The following LIN28B variants were observed in gnomAD, a reference collection of about 807,000 sequenced individuals.
LIN28B encodes lin-28 RNA binding posttranscriptional regulator B.
In LIN28B, 5 loss-of-function variants were observed where a neutral mutation model predicts 21.9. The observed-to-expected ratio is 0.23, with a 90% CI of 0.12 to 0.48. The LOEUF is 0.48. Ranked by LOEUF, LIN28B falls within the 20% of genes least tolerant of loss-of-function variation. The pLI is 0.98. For synonymous variants in LIN28B, 109 were observed against 111.3 expected (o/e 0.98, Z 0.13); for missense variants, 245 against 310.5 (o/e 0.79, Z 1.58).
At chr6:104,992,110 G>T (rs1158616582) in intron 2 of LIN28B, among the ~76,000 whole-genome samples, 1 of 151,752 alleles carries the variant, frequency 6.6e-6, no homozygotes, top group Non-Finnish European at 1.5e-5. Flanking sequence ...TTGTTGCCCA[G>T]GTTGGAGTTC....
At chr6:105,044,156 G>T (rs1284522063) in intron 3 of LIN28B, among the ~76,000 whole-genome samples, 1 of 152,054 alleles carries the variant, frequency 6.6e-6, no homozygotes, top group Non-Finnish European at 1.5e-5. Context: ...AGATTAAGAA[G>T]CTCTGTTCTG....
intron 3 of LIN28B, among the ~76,000 whole-genome samples, chr6:105,078,038 CTTG>C (rs921143278): frequency 2.6e-5 from 4 of 152,084 alleles, no homozygotes; most frequent in African/African-American, 7.2e-5. Context: ...TTAAAACTGG[CTTG>C]TTGTTTTTTG....
chr6:104,953,439 A>T (rs1336117334), upstream of LIN28B, among the ~76,000 whole-genome samples: 1 of 152,198 alleles, frequency 6.6e-6, no homozygotes, highest in African/African-American at 2.4e-5. Flanking sequence ...TACGTCTGGA[A>T]ATTCAGTAAA....
At chr6:104,995,965 TTATA>T (rs201567101) in intron 2 of LIN28B, among the ~76,000 whole-genome samples, 2 of 148,350 alleles carry the variant, frequency 1.3e-5, no homozygotes, top group African/African-American at 4.9e-5. Context: ...ATTATATACT[TTATA>T]TATATATATA....
intron 2 of LIN28B, among the ~76,000 whole-genome samples, chr6:104,969,442 AAAC>A (rs767216104): frequency 6.6e-6 from 1 of 152,048 alleles, no homozygotes; most frequent in Non-Finnish European, 1.5e-5. Flanking sequence ...AAACAAAACA[AAAC>A]AACAACAACA....
chr6:105,055,038 G>C (rs1771994863), intron 3 of LIN28B, among the ~76,000 whole-genome samples: 1 of 151,960 alleles, frequency 6.6e-6, no homozygotes, highest in Non-Finnish European at 1.5e-5. Context: ...TCATTTATTT[G>C]TTCCATAGTG....
intron 2 of LIN28B, among the ~76,000 whole-genome samples, chr6:104,960,502 T>G (rs1172706483): frequency 2.0e-5 from 3 of 152,158 alleles, no homozygotes; most frequent in Admixed American, 2.0e-4. Flanking sequence ...ATATGTATCA[T>G]AGGTGATTAG....
At chr6:105,015,832 A>T (rs1208921285) in intron 2 of LIN28B, among the ~76,000 whole-genome samples, 1 of 152,200 alleles carries the variant, frequency 6.6e-6, no homozygotes, top group African/African-American at 2.4e-5. Flanking sequence ...TACATAAGTA[A>T]ATATTCAGTA....
chr6:105,048,049 C>A (rs1192047684), intron 3 of LIN28B, among the ~76,000 whole-genome samples: 1 of 152,224 alleles, frequency 6.6e-6, no homozygotes, highest in Non-Finnish European at 1.5e-5. Flanking sequence ...GAACTTCCAA[C>A]ACTGTGTTGA....
chr6:105,023,545 TATATAACC>T (rs1473171890), intron 2 of LIN28B, among the ~76,000 whole-genome samples: 46 of 60 alleles, frequency 0.77, 21 homozygotes, highest in South Asian at 1. Context: ...ATATATATAA[TATATAACC>T]TATATATATA....
chr6:104,964,115 A>G (rs967254759), intron 2 of LIN28B, among the ~76,000 whole-genome samples: 2 of 152,240 alleles, frequency 1.3e-5, no homozygotes, highest in African/African-American at 4.8e-5. Context: ...TAGAAATATT[A>G]CAGATAGTTA....
At chr6:105,043,341 CAAAAAAAAAAAAAAAAAAAAAA>C (rs57532096) in intron 3 of LIN28B, among the ~76,000 whole-genome samples, 1 of 75,384 alleles carries the variant, frequency 1.3e-5, no homozygotes, top group Non-Finnish European at 2.2e-5. Context: ...GACTCTGTCT[CAAAAAAAAAAAAAAAAAAAAAA>C]AAAAAAAAAG....
intron 2 of LIN28B, among the ~76,000 whole-genome samples, chr6:104,963,225 T>A (rs1481725109): frequency 6.6e-6 from 1 of 152,084 alleles, no homozygotes; most frequent in Non-Finnish European, 1.5e-5. Context: ...TTTTTGTATT[T>A]TTAGTAGAGA....
intron 2 of LIN28B, among the ~76,000 whole-genome samples, chr6:104,983,962 T>C (rs982696995): frequency 5.3e-5 from 8 of 152,354 alleles, no homozygotes; most frequent in African/African-American, 1.9e-4. Context: ...TATGTACTTA[T>C]GGACTATGAC....
intron 2 of LIN28B, among the ~76,000 whole-genome samples, chr6:104,993,400 C>T (rs910765429): frequency 1.3e-5 from 2 of 151,984 alleles, no homozygotes; most frequent in Non-Finnish European, 2.9e-5. Flanking sequence ...CTCAGGATTT[C>T]GACTGTAGTG....
In LIN28B at chr6:104,957,239, C is replaced by T. The variant is rs754137655; in HGVS notation, c.-12C>T. ...ATCTCACGAGTTTGGAGCTGAGGGC[C>T]CGTGGGGCAACATGGCCGAAGGTTA... is the stretch of plus-strand genomic sequence containing the variant. On this transcript the variant is annotated 5_prime_UTR_variant, in exon 1 of 4. Transcript: ENST00000345080. The T allele has an allele frequency of 9.3e-6, 15 of 1,612,908 alleles. No homozygotes were observed. In the East Asian group the frequency reaches 3.3e-4, roughly 36 times the overall value.
chr6:105,020,107 CTTTTTTT>C (rs1158938023), intron 2 of LIN28B, among the ~76,000 whole-genome samples: 17 of 87,590 alleles, frequency 1.9e-4, no homozygotes, highest in Admixed American at 6.6e-4. Context: ...TCCTGTTATT[CTTTTTTT>C]TTTTTTTTTT....
chr6:105,075,706 T>C (rs1014067081), intron 3 of LIN28B, among the ~76,000 whole-genome samples: 4 of 152,202 alleles, frequency 2.6e-5, no homozygotes, highest in Non-Finnish European at 5.9e-5. Flanking sequence ...TAGAGGGTAA[T>C]TGAAGATCCC....
rs569487908 is a variant in LIN28B at position 105,050,465 on chromosome 6, G to A, written c.383+23983G>A. On this transcript the variant is annotated intron_variant, in intron 3 of 3. Coordinates refer to ENST00000345080, the MANE Select transcript of LIN28B (RefSeq NM_001004317.4). ...AAAATACAAAAAATTAGCCGGGCGC[G>A]GTGGCGGGTGCCTGTAGTCCCAGCT... Among the ~76,000 whole-genome samples the A allele has an allele frequency of 2.3e-4, 35 of 151,766 alleles. No homozygotes were observed. The East Asian group carries it at 2.5e-3, about 11-fold the overall frequency.
Sources: allele counts gnomAD v4.1 joint callset (sites outside exome capture counted in the v4.1 genomes callset), GRCh38; gene constraint gnomAD v4.1.1; transcripts MANE v1.5; gene names NCBI Gene and HGNC (gene_info 2026-07-23, HGNC 2026-07-21).